Variants in GABPB2 observed in about 807,000 individuals in gnomAD.
GABPB2 encodes GA binding protein transcription factor subunit beta 2.
In GABPB2, 23 loss-of-function variants were observed where a neutral mutation model predicts 39.1. The ratio of observed to expected loss-of-function variants is 0.59; its 90% confidence interval spans 0.42 to 0.83. GABPB2 has a LOEUF of 0.83. Among genes scored for constraint, GABPB2 ranks in the 40% least tolerant of loss-of-function variants. GABPB2 has a pLI of 0.00. For missense variants in GABPB2, 467 were observed against 541.1 expected (o/e 0.86, Z 1.36); for synonymous variants, 184 against 199.3 (o/e 0.92, Z 0.65).
intron 1 of GABPB2, among the ~76,000 whole-genome samples, chr1:151,087,036 G>T (rs1458752366): frequency 6.6e-6 from 1 of 151,986 alleles, no homozygotes; most frequent in Non-Finnish European, 1.5e-5. Context: ...TGTATTTTTA[G>T]TAGAGACAGG....
chr1:151,098,136 A>AT (rs1471691762), intron 5 of GABPB2, 134 bp downstream of exon 5: 2 of 744,326 alleles, frequency 2.7e-6, no homozygotes, highest in Non-Finnish European at 4.4e-6. Flanking sequence ...TTTGTAATAG[A>AT]TTTTAAAGCT....
chr1:151,101,545 G>A (rs1346387510), intron 5 of GABPB2, among the ~76,000 whole-genome samples: 3 of 151,906 alleles, frequency 2.0e-5, no homozygotes, highest in African/African-American at 4.8e-5. Flanking sequence ...CTGCACTCCA[G>A]TCTGGGCAAC....
intron 7 of GABPB2, among the ~76,000 whole-genome samples, chr1:151,110,642 G>A (rs1402634488): frequency 2.0e-5 from 3 of 151,800 alleles, no homozygotes; most frequent in Admixed American, 2.0e-4. Context: ...TTACTTTTTC[G>A]TAGAGACAAG....
Position 151,121,072 on chromosome 1 carries a change from A to C in GABPB2, c.*2816A>C, listed in dbSNP as rs1269111322. 1 of 152,204 alleles carries C rather than the reference A, an allele frequency of 6.6e-6. No individual in the cohort carries two copies. Among genetic ancestry groups the C allele is most frequent in the Non-Finnish European group, 1.5e-5 (1 of 68,034 alleles). 9.4% of individuals were successfully genotyped at this position (152,204 alleles called of 1,614,324 possible). A position where few individuals can be genotyped will look rare whatever the true frequency, so the allele number is the denominator to read the frequency against. On this transcript the variant is annotated 3_prime_UTR_variant, in exon 9 of 9. Transcript: ENST00000368918. ...CGCGCACAGCCTAGACTCTAATTTT[A>C]TAAAACTTTGTTGAATTTTCTAAGT...
intron 2 of GABPB2, among the ~76,000 whole-genome samples, chr1:151,089,645 C>T (rs1678498856): frequency 1.3e-5 from 2 of 152,004 alleles, no homozygotes; most frequent in East Asian, 1.9e-4. Flanking sequence ...TTAAAATTTA[C>T]TTTATTTATT....
intron 1 of GABPB2, among the ~76,000 whole-genome samples, chr1:151,080,215 C>CA (rs57351502): frequency 0.027 from 796 of 29,924 alleles, 62 homozygotes; most frequent in Non-Finnish European, 0.049. Flanking sequence ...AACTCCATCT[C>CA]AAAAAAAAAA....
At chr1:151,088,154 A>G in intron 1 of GABPB2, 36 bp from the exon 2 acceptor site, 1 of 1,465,820 alleles carries the variant, frequency 6.8e-7, no homozygotes, top group Non-Finnish European at 9.6e-7. Flanking sequence ...TGTTCGAGTT[A>G]TAGCTACCTG....
At position 151,121,339 on chromosome 1, in the gene GABPB2, A is replaced by G. The variant is rs965019509; in HGVS notation, c.*3083A>G. 1.3e-5 allele frequency: 2 copies of G among 152,148 alleles called. No individual in the cohort carries two copies. Among genetic ancestry groups the G allele is most frequent in the African/African-American group, 4.8e-5 (2 of 41,418 alleles). 9.4% of individuals were successfully genotyped at this position (152,148 alleles called of 1,614,324 possible). On this transcript the variant is annotated 3_prime_UTR_variant, in exon 9 of 9. Coordinates refer to ENST00000368918, the MANE Select transcript of GABPB2 (RefSeq NM_144618.3). The stretch of plus-strand genomic sequence containing the variant: ...CTGTCAGTGCCATAAAGAACCAAAG[A>G]TTCTGGCTACTTTGTCTTCTTCCTT...
intron 5 of GABPB2, among the ~76,000 whole-genome samples, chr1:151,103,055 T>TC (rs1231476110): frequency 6.9e-6 from 1 of 144,760 alleles, no homozygotes; most frequent in Admixed American, 7.0e-5. Context: ...TTTTTTTTTT[T>TC]TTTTTTTTTT....
chr1:151,076,499 G>T (rs943498846), intron 1 of GABPB2, among the ~76,000 whole-genome samples: 1 of 152,040 alleles, frequency 6.6e-6, no homozygotes, highest in African/African-American at 2.4e-5. Flanking sequence ...GCACAATCTT[G>T]GTTCACTGCA....
At position 151,119,541 on chromosome 1, in the gene GABPB2, C is replaced by A. The variant is rs1474063301; in HGVS notation, c.*1285C>A. 3 of 152,224 alleles carry A rather than the reference C, an allele frequency of 2.0e-5. No homozygotes were observed. The highest frequency in any genetic ancestry group is 4.8e-5 in the African/African-American group (2 of 41,442). 9.4% of individuals were successfully genotyped at this position (152,224 alleles called of 1,614,324 possible). A position where few individuals can be genotyped will look rare whatever the true frequency, so the allele number is the denominator to read the frequency against. On this transcript the variant is annotated 3_prime_UTR_variant, in exon 9 of 9. Transcript: ENST00000368918. The stretch of plus-strand genomic sequence containing the variant: ...GATCACAAGGTCAAGAGATTAAGAT[C>A]ATCCTGGCCAACATGGTGACACCCC...
intron 3 of GABPB2, among the ~76,000 whole-genome samples, chr1:151,092,424 T>A (rs1190465594): frequency 2.0e-5 from 3 of 148,946 alleles, no homozygotes; most frequent in East Asian, 3.9e-4. Flanking sequence ...AAATCATATT[T>A]AAAAAAAAAA....
chr1:151,113,469 C>CAAAA (rs959062545), intron 7 of GABPB2, among the ~76,000 whole-genome samples: 1 of 63,260 alleles, frequency 1.6e-5, no homozygotes. Context: ...ACTCCAACTG[C>CAAAA]AAAAAAAAAA....
At position 151,118,610 on chromosome 1, in the gene GABPB2, A is replaced by T. The variant is rs1681058531; in HGVS notation, c.*354A>T. Reference sequence around the variant, plus strand: ...ATAACATTTCTAATATATATGCACCAATATATATGCCTTTAATAATTATAC... The same window carrying T: ...ATAACATTTCTAATATATATGCACCTATATATATGCCTTTAATAATTATAC... On this transcript the variant is annotated 3_prime_UTR_variant, in exon 9 of 9. Transcript: ENST00000368918. 1 of 184,598 alleles carries T rather than the reference A, an allele frequency of 5.4e-6. No individual in the cohort carries two copies. Among genetic ancestry groups the T allele is most frequent in the South Asian group, 1.4e-4 (1 of 7,328 alleles). 11.4% of individuals were successfully genotyped at this position (184,598 alleles called of 1,614,324 possible).
chr1:151,073,241 C>T (rs1231309944), intron 1 of GABPB2: 2 of 152,148 alleles, frequency 1.3e-5, no homozygotes, highest in African/African-American at 2.4e-5. Flanking sequence ...CGGCTGGGAT[C>T]AAATTCCTGG....
chr1:151,110,520 G>C (rs587735425), intron 7 of GABPB2, among the ~76,000 whole-genome samples: 2 of 152,012 alleles, frequency 1.3e-5, no homozygotes, highest in East Asian at 3.9e-4. Context: ...TTTATTTAGA[G>C]GTGCAATCTC....
intron 6 of GABPB2, 104 bp from the exon 7 acceptor site, chr1:151,106,933 A>G: frequency 1.5e-6 from 1 of 686,182 alleles, no homozygotes; most frequent in Non-Finnish European, 2.3e-6. Context: ...TTTTTTTTCA[A>G]ATGTTCCTCT....
intron 3 of GABPB2, among the ~76,000 whole-genome samples, chr1:151,091,623 C>A (rs1327038474): frequency 6.6e-6 from 1 of 151,108 alleles, no homozygotes; most frequent in East Asian, 2.0e-4. Context: ...TACAGGCGCC[C>A]ACCACCATGC....
At chr1:151,079,065 A>G (rs960469218) in intron 1 of GABPB2, among the ~76,000 whole-genome samples, 22 of 152,158 alleles carry the variant, frequency 1.4e-4, no homozygotes, top group Non-Finnish European at 2.9e-4. Flanking sequence ...ACGCATTTCT[A>G]TATCTTTCTT....
Sources: allele counts gnomAD v4.1 joint callset (sites outside exome capture counted in the v4.1 genomes callset), GRCh38; gene constraint gnomAD v4.1.1; transcripts MANE v1.5; gene names NCBI Gene and HGNC (gene_info 2026-07-23, HGNC 2026-07-21).